PCNX2: variants seen among roughly 807,000 people sequenced by gnomAD.
PCNX2 encodes the protein pecanex 2, also known as pecanex-like protein 2.
PCNX2 carries 168 observed loss-of-function variants against 223.8 expected under a neutral mutation model. The ratio of observed to expected loss-of-function variants is 0.75; its 90% CI spans 0.66 to 0.85. The LOEUF (loss-of-function observed/expected upper bound fraction) is 0.85. PCNX2 is among the 40% of genes least tolerant of loss of function. The pLI is 0.00. For synonymous variants in PCNX2, 1,006 were observed against 1,052.6 expected (o/e 0.96, Z 0.86); for missense variants, 2,507 against 2,675.5 (o/e 0.94, Z 1.39).
intron 12 of PCNX2, among the ~76,000 whole-genome samples, chr1:233,215,141 A>T (rs749463743): frequency 1.3e-5 from 2 of 152,156 alleles, no homozygotes; most frequent in Non-Finnish European, 2.9e-5. Context: ...CTGTGTCCCA[A>T]ACCTGGGTTC....
At chr1:233,066,215 C>T (rs1032421733) in intron 23 of PCNX2, among the ~76,000 whole-genome samples, 2 of 152,200 alleles carry the variant, frequency 1.3e-5, no homozygotes, top group African/African-American at 4.8e-5. Context: ...GGACAAAATC[C>T]TGGGACCCAC....
chr1:233,120,857 C>A (rs990966287), intron 21 of PCNX2, among the ~76,000 whole-genome samples: 1 of 151,714 alleles, frequency 6.6e-6, no homozygotes, highest in African/African-American at 2.4e-5. Context: ...GAAACAACAA[C>A]AAAAACAATT....
intron 21 of PCNX2, among the ~76,000 whole-genome samples, chr1:233,129,197 T>TGGCGGGCCCCGCACTCAG (rs1676285989): frequency 6.6e-6 from 1 of 152,214 alleles, no homozygotes; most frequent in African/African-American, 2.4e-5. Context: ...GGCGTGGGCT[T>TGGCGGGCCCCGCACTCAG]GGCGGGCCCC....
intron 1 of PCNX2, among the ~76,000 whole-genome samples, chr1:233,267,281 A>T (rs1660391551): frequency 6.6e-6 from 1 of 152,004 alleles, no homozygotes; most frequent in South Asian, 2.1e-4. Flanking sequence ...CGCACGCACC[A>T]TTGCACTCTA....
At chr1:233,006,080 C>T (rs1670274428) in intron 28 of PCNX2, among the ~76,000 whole-genome samples, 1 of 151,976 alleles carries the variant, frequency 6.6e-6, no homozygotes, top group African/African-American at 2.4e-5. Flanking sequence ...GGGAGCAGGT[C>T]CACACATAGA....
chr1:233,070,614 C>T (rs1195536669), intron 23 of PCNX2, among the ~76,000 whole-genome samples: 1 of 151,826 alleles, frequency 6.6e-6, no homozygotes, highest in East Asian at 1.9e-4. Flanking sequence ...AGAAAAATCA[C>T]ATATGCATGT....
intron 25 of PCNX2, among the ~76,000 whole-genome samples, chr1:233,036,510 G>A (rs1025610336): frequency 1.3e-5 from 2 of 151,738 alleles, no homozygotes; most frequent in African/African-American, 2.4e-5. Flanking sequence ...CACACCTGTA[G>A]TCCCAGCTAT....
At chr1:233,113,677 G>C (rs147377796) in intron 21 of PCNX2, among the ~76,000 whole-genome samples, 1 of 152,346 alleles carries the variant, frequency 6.6e-6, no homozygotes, top group Non-Finnish European at 1.5e-5. Context: ...CGCACTAGAG[G>C]TGTGTGTTCT....
chr1:233,038,489 C>T (rs1417164889), intron 25 of PCNX2, among the ~76,000 whole-genome samples: 1 of 152,172 alleles, frequency 6.6e-6, no homozygotes, highest in Admixed American at 6.5e-5. Context: ...AGCCCTTTTT[C>T]TTCCCAGACT....
chr1:233,128,323 T>G (rs537205102), intron 21 of PCNX2, among the ~76,000 whole-genome samples: 257 of 148,834 alleles, frequency 1.7e-3, no homozygotes, highest in Non-Finnish European at 3.2e-3. Flanking sequence ...AAAAACAATG[T>G]TTTTTTTTTG....
chr1:233,303,319 G>A, the PCNX2 span, among the ~76,000 whole-genome samples: 2 of 152,128 alleles, frequency 1.3e-5, no homozygotes, highest in Non-Finnish European at 2.9e-5. Flanking sequence ...TTTGAGACTA[G>A]CCTGGGCAAC....
intron 21 of PCNX2, among the ~76,000 whole-genome samples, chr1:233,110,469 A>AT (rs1163366289): frequency 1.8e-4 from 27 of 152,354 alleles, no homozygotes; most frequent in African/African-American, 6.0e-4. Flanking sequence ...ATACTTTCTC[A>AT]TGCAAACAAA....
At chr1:233,047,808 C>A (rs923142179) in intron 25 of PCNX2, among the ~76,000 whole-genome samples, 2 of 152,180 alleles carry the variant, frequency 1.3e-5, no homozygotes, top group East Asian at 1.9e-4. Flanking sequence ...ATCATCGAGG[C>A]GGAAAACTAA....
intron 17 of PCNX2, among the ~76,000 whole-genome samples, chr1:233,165,878 C>T (rs1374902245): frequency 6.6e-6 from 1 of 151,880 alleles, no homozygotes; most frequent in African/African-American, 2.4e-5. Context: ...TAAAAATGTA[C>T]ATGGAAATGC....
At chr1:233,262,312 GAC>G in intron 2 of PCNX2, 147 bp from the exon 3 acceptor site, 5 of 1,032,740 alleles carry the variant, frequency 4.8e-6, no homozygotes, top group Non-Finnish European at 6.9e-6. Context: ...GTTGTTAAGA[GAC>G]AGGGCTTCGC....
At chr1:233,254,613 T>G (rs1006263908) in intron 5 of PCNX2, among the ~76,000 whole-genome samples, 2 of 152,100 alleles carry the variant, frequency 1.3e-5, no homozygotes, top group Non-Finnish European at 2.9e-5. Context: ...GAAAAAACTT[T>G]GAATCACTCT....
chr1:233,127,326 C>T (rs944502234), intron 21 of PCNX2, among the ~76,000 whole-genome samples: 17 of 152,060 alleles, frequency 1.1e-4, no homozygotes, highest in Admixed American at 8.5e-4. Context: ...AAATTTCTCA[C>T]GGTTTCCGGA....
intron 28 of PCNX2, among the ~76,000 whole-genome samples, chr1:233,010,403 T>C (rs1025815952): frequency 6.6e-6 from 1 of 152,250 alleles, no homozygotes; most frequent in East Asian, 1.9e-4. Context: ...TTAAATTTTC[T>C]ATCCTCTTGG....
intron 1 of PCNX2, among the ~76,000 whole-genome samples, chr1:233,278,392 G>A (rs988425188): frequency 5.3e-5 from 8 of 152,184 alleles, no homozygotes; most frequent in African/African-American, 1.9e-4. Context: ...CCTCTCTGGG[G>A]ACTCTTGAGA....
Sources: allele counts gnomAD v4.1 joint callset (sites outside exome capture counted in the v4.1 genomes callset), GRCh38; gene constraint gnomAD v4.1.1; transcripts MANE v1.5; gene names NCBI Gene and HGNC (gene_info 2026-07-23, HGNC 2026-07-21).